The following GCLC variants were observed in gnomAD, a reference collection of about 807,000 sequenced individuals.
The protein encoded by GCLC is glutamate-cysteine ligase catalytic subunit.
GCLC carries 30 observed loss-of-function variants against 81.5 expected under a neutral mutation model. The ratio of observed to expected loss-of-function variants is 0.37; its 90% CI spans 0.28 to 0.50. GCLC has a LOEUF of 0.50. GCLC is among the 20% of genes least tolerant of loss of function. GCLC has a pLI of 0.96. For missense variants in GCLC, 556 were observed against 777.4 expected, an observed-to-expected ratio of 0.72 and a Z score of 3.39; for synonymous variants, 262 against 273.3, an observed-to-expected ratio of 0.96 and a Z score of 0.41.
chr6:53,522,602 CA>C, intron 1 of GCLC, 75 bp from the exon 2 acceptor site: 1 of 891,574 alleles, frequency 1.1e-6, no homozygotes, highest in Non-Finnish European at 1.9e-6. Flanking sequence ...AAGAAAAAGG[CA>C]GGGAAACGTG....
intron 15 of GCLC, 107 bp from the exon 16 acceptor site, chr6:53,499,074 T>A: frequency 1.3e-6 from 1 of 758,594 alleles, no homozygotes; most frequent in Non-Finnish European, 2.4e-6. Flanking sequence ...GAGAAATCAA[T>A]ATGTCCTTTT....
intron 4 of GCLC, 82 bp from the exon 5 acceptor site, chr6:53,514,579 TG>T (rs760979274): frequency 1.0e-6 from 1 of 965,112 alleles, no homozygotes; most frequent in South Asian, 1.3e-5. Flanking sequence ...TACAAGTAAG[TG>T]GAATGAAATC....
At chr6:53,515,730 C>T (rs1277685936) in intron 4 of GCLC, among the ~76,000 whole-genome samples, 1 of 151,526 alleles carries the variant, frequency 6.6e-6, no homozygotes, top group African/African-American at 2.4e-5. Flanking sequence ...GTAAGATGGG[C>T]AAATCACAGA....
chr6:53,544,619 C>G lies in GCLC; in HGVS notation c.27G>C (p.Pro9=), dbSNP rs780375640. The change falls in exon 1 of 16, where the codon CCG becomes CCC. Residue 9 remains proline, a synonymous_variant. Coordinates refer to ENST00000650454, the MANE Select transcript of GCLC (RefSeq NM_001498.4). MGLLSQGS[P]LSWEETKRHA... ...GGCGCTTGGTTTCCTCCCAGCTCAG[C>G]GGCGAGCCCTGGGACAGCAGCCCCA... 6.2e-7 allele frequency: 1 copy of G among 1,601,340 alleles called. No individual in the cohort carries two copies. Among genetic ancestry groups the G allele is most frequent in the South Asian group, 1.1e-5 (1 of 91,032 alleles).
intron 1 of GCLC, among the ~76,000 whole-genome samples, chr6:53,527,018 T>C (rs1307109234): frequency 6.6e-6 from 1 of 152,152 alleles, no homozygotes; most frequent in Non-Finnish European, 1.5e-5. Context: ...CTCAAACTAT[T>C]TAACCCATCA....
intron 1 of GCLC, among the ~76,000 whole-genome samples, chr6:53,543,622 C>A (rs1763396407): frequency 6.6e-6 from 1 of 152,200 alleles, no homozygotes; most frequent in Non-Finnish European, 1.5e-5. Flanking sequence ...CTCAAGAAGT[C>A]ATTTAATGTG....
intron 3 of GCLC, among the ~76,000 whole-genome samples, chr6:53,517,651 G>A (rs1360217317): frequency 6.6e-6 from 1 of 152,140 alleles, no homozygotes; most frequent in Non-Finnish European, 1.5e-5. Flanking sequence ...CAGATTGGAT[G>A]AAGAGAGAAT....
intron 1 of GCLC, among the ~76,000 whole-genome samples, chr6:53,536,081 G>T (rs1437495902): frequency 2.0e-5 from 3 of 152,174 alleles, no homozygotes; most frequent in Non-Finnish European, 2.9e-5. Context: ...ACCATGGAAT[G>T]AAATATTACT....
intron 1 of GCLC, among the ~76,000 whole-genome samples, chr6:53,529,319 T>C (rs1763134524): frequency 6.6e-6 from 1 of 152,204 alleles, no homozygotes; most frequent in African/African-American, 2.4e-5. Context: ...GAATTTACAT[T>C]GGTTGATTTT....
chr6:53,506,248 T>C lies in GCLC; in HGVS notation c.1198-353A>G, dbSNP rs369663252. 1.2e-4 allele frequency: 39 copies of C among 336,068 alleles called. No homozygotes were observed. Among genetic ancestry groups the C allele is most frequent in the African/African-American group, 7.7e-4 (36 of 46,510 alleles). The allele number at this position is 336,068 out of a possible 1,614,324, so 20.8% of individuals were successfully genotyped here. On this transcript the variant is annotated intron_variant, in intron 10 of 15. Transcript: ENST00000650454. The surrounding 1 kb of genome is among the most constrained non-coding windows in gnomAD (Gnocchi z 4.0). ...CCTTTCCAGGTGACACTGGACACTT[T>C]CATCTGAGAACCCTGTCACATGACA...
chr6:53,516,359 A>G (rs1764871646), intron 3 of GCLC, 137 bp from the exon 4 acceptor site: 1 of 682,964 alleles, frequency 1.5e-6, no homozygotes, highest in Non-Finnish European at 2.7e-6. Context: ...TTTACAAAAC[A>G]GATGTTGTGT....
chr6:53,532,148 C>T (rs543245382), intron 1 of GCLC, among the ~76,000 whole-genome samples: 2 of 152,316 alleles, frequency 1.3e-5, no homozygotes, highest in South Asian at 2.1e-4. Context: ...TAGGAAGATA[C>T]TACACATACT....
At position 53,500,035 on chromosome 6, in the gene GCLC, G is replaced by T; in HGVS notation, c.1702+10C>A. Reference sequence around the variant, plus strand: ...CTATATTATGAGATTAAGAAAAATAGATATCATACCAGATGCTCTCTTCTT... The same window carrying T: ...CTATATTATGAGATTAAGAAAAATATATATCATACCAGATGCTCTCTTCTT... On this transcript the variant is annotated intron_variant, in intron 15 of 15. Coordinates refer to ENST00000650454, the MANE Select transcript of GCLC (RefSeq NM_001498.4). 1 of 1,574,556 alleles carries T rather than the reference G, an allele frequency of 6.4e-7. No homozygotes were observed. Among genetic ancestry groups the T allele is most frequent in the Non-Finnish European group, 8.7e-7 (1 of 1,144,042 alleles).
At chr6:53,539,052 G>C (rs1487102533) in intron 1 of GCLC, among the ~76,000 whole-genome samples, 6 of 152,170 alleles carry the variant, frequency 3.9e-5, no homozygotes, top group Non-Finnish European at 8.8e-5. Context: ...GCTAACACTG[G>C]AGTCATCAGA....
intron 12 of GCLC, among the ~76,000 whole-genome samples, chr6:53,503,587 A>G (rs930768944): frequency 2.0e-5 from 3 of 152,218 alleles, no homozygotes; most frequent in East Asian, 1.9e-4. Context: ...ATGAAAAGTA[A>G]TATCAGTTGA....
Position 53,544,382 on chromosome 6 carries a change from C to T in GCLC, c.150+114G>A, listed in dbSNP as rs543321729. The T allele has an allele frequency of 3.8e-5, 42 of 1,114,242 alleles. No individual in the cohort carries two copies. The East Asian group carries it at 1.0e-3, about 27-fold the overall frequency. 69.0% of individuals were successfully genotyped at this position (1,114,242 alleles called of 1,614,324 possible). On this transcript the variant is annotated intron_variant, in intron 1 of 15. Transcript: ENST00000650454. ...GGGCCGGGAGGCGCTCGAGGACCCC[C>T]GGGCGCAGTGGAGAACGCGGACCGC...
rs11385177 is a variant in GCLC, at chr6:53,514,063, A to AT, written c.753+140dup. ...CCAATGAATTTACTAATATAACTTCATGTTTTTCAGAAAGGCATACCAGCT... is the reference window on the plus strand; with the variant it reads ...CCAATGAATTTACTAATATAACTTCATTGTTTTTCAGAAAGGCATACCAGCT... On this transcript the variant is annotated intron_variant, in intron 6 of 15. Transcript: ENST00000650454. The AT allele has an allele frequency of 0.51, 386,363 of 753,240 alleles. 101,846 individuals are homozygous for AT. The highest frequency in any genetic ancestry group is 0.67 in the African/African-American group (38,178 of 57,002). The allele number at this position is 753,240 out of a possible 1,614,324, so 46.7% of individuals were successfully genotyped here. A position where few individuals can be genotyped will look rare whatever the true frequency, so the allele number is the denominator to read the frequency against.
In GCLC at chr6:53,517,112, G is replaced by C. The variant is rs568478825; in HGVS notation, c.447-890C>G. On this transcript the variant is annotated intron_variant, in intron 3 of 15. Transcript: ENST00000650454. ...TTTTTTTTTTTTTTTTCTGAGAAAG[G>C]GTCTTGCTCTGTCTCCCAGGCTGGA... Among the ~76,000 whole-genome samples, 218 of 138,122 alleles carry C rather than the reference G, an allele frequency of 1.6e-3. 3 individuals carry two copies. Among genetic ancestry groups the C allele is most frequent in the Non-Finnish European group, 2.2e-3 (143 of 65,234 alleles). The allele number at this position is 138,122 out of a possible 152,430, so 90.6% of individuals were successfully genotyped here.
At chr6:53,536,765 C>A (rs887123240) in intron 1 of GCLC, among the ~76,000 whole-genome samples, 12 of 152,110 alleles carry the variant, frequency 7.9e-5, no homozygotes, top group African/African-American at 2.7e-4. Context: ...ACAGACAGTA[C>A]CAATCAATGA....
Sources: gnomAD v4.1 joint callset for allele counts (sites outside exome capture counted in the v4.1 genomes callset) on GRCh38, gnomAD v4.1.1 for gene constraint, Gnocchi (gnomAD v3.1) non-coding constraint, MANE v1.5 for transcripts, NCBI Gene and HGNC (gene_info 2026-07-23, HGNC 2026-07-21) for gene names.